The following TANC1 variants were observed in gnomAD, a reference collection of about 807,000 sequenced individuals.
TANC1 encodes the protein protein TANC1.
TANC1 carries 77 observed loss-of-function variants against 149.7 expected under a neutral mutation model. The ratio of observed to expected loss-of-function variants is 0.51; its 90% confidence interval spans 0.43 to 0.62. The LOEUF (loss-of-function observed/expected upper bound fraction) is 0.62, where lower values mean the gene tolerates loss of function less well. Ranked by LOEUF, TANC1 falls within the 20% of genes least tolerant of loss-of-function variation. TANC1 has a pLI of 0.00. For missense variants in TANC1, 1,985 were observed against 2,321.8 expected (o/e 0.85, Z 2.98); for synonymous variants, 854 against 925.0 (o/e 0.92, Z 1.39).
At chr2:159,151,809 TTTTTG>T (rs2052838742) in intron 7 of TANC1, among the ~76,000 whole-genome samples, 1 of 152,198 alleles carries the variant, frequency 6.6e-6, no homozygotes, top group Non-Finnish European at 1.5e-5. Flanking sequence ...CTTTAATGGA[TTTTTG>T]TTTTATTTTA....
chr2:159,031,238 A>G (rs549346974), intron 2 of TANC1, among the ~76,000 whole-genome samples: 95 of 152,302 alleles, frequency 6.2e-4, no homozygotes, highest in African/African-American at 2.2e-3. Context: ...TTAAATCTCT[A>G]TCTTAGAAAT....
chr2:159,141,620 G>A (rs2051378904), intron 5 of TANC1, among the ~76,000 whole-genome samples: 1 of 152,222 alleles, frequency 6.6e-6, no homozygotes, highest in Non-Finnish European at 1.5e-5. Context: ...CTTCGCAAGT[G>A]TCCAGCCACC....
chr2:159,158,370 A>G (rs1472983662), intron 7 of TANC1, among the ~76,000 whole-genome samples: 1 of 152,146 alleles, frequency 6.6e-6, no homozygotes, highest in Non-Finnish European at 1.5e-5. Context: ...GAAACAAAAA[A>G]AAACCATGTA....
rs143702986 is a variant in TANC1 at position 159,175,360 on chromosome 2, G to A, written c.1735+176G>A. Among the ~76,000 whole-genome samples, 7 of 152,168 alleles carry A rather than the reference G, an allele frequency of 4.6e-5. No homozygotes were observed. The East Asian group carries it at 7.7e-4, about 17-fold the overall frequency. The stretch of plus-strand genomic sequence containing the variant: ...TTCTCAGAACCAGCCCCATGAGGTC[G>A]CTCCTACACCACCCCTATGGTATAG... On this transcript the variant is annotated intron_variant, in intron 12 of 26. Transcript: ENST00000263635.
At chr2:159,043,014 A>G (rs2040773944) in intron 2 of TANC1, among the ~76,000 whole-genome samples, 1 of 152,222 alleles carries the variant, frequency 6.6e-6, no homozygotes, top group Non-Finnish European at 1.5e-5. Context: ...GGATGCATCT[A>G]GTACCTTGCT....
At chr2:159,126,214 G>A (rs961541745) in intron 4 of TANC1, among the ~76,000 whole-genome samples, 1 of 152,148 alleles carries the variant, frequency 6.6e-6, no homozygotes, top group Non-Finnish European at 1.5e-5. Context: ...ATCTTGGAAT[G>A]ATATCTTTAG....
rs549792974 is a variant in TANC1 at position 159,070,682 on chromosome 2, G to A, written c.61+4711G>A. ...TGGCCGAACCTGGTTCACGTGCCTC[G>A]GATCTAGCTGCATGAGAGAGCCCGG... On this transcript the variant is annotated intron_variant, in intron 3 of 26. Transcript: ENST00000263635. Among the ~76,000 whole-genome samples, 25 of 152,284 alleles carry A rather than the reference G, an allele frequency of 1.6e-4. No homozygotes were observed. In the East Asian group the frequency reaches 4.6e-3, roughly 28 times the overall value.
intron 3 of TANC1, among the ~76,000 whole-genome samples, chr2:159,069,745 T>C (rs886557967): frequency 1.8e-4 from 26 of 144,260 alleles, no homozygotes; most frequent in Admixed American, 1.7e-3. Context: ...TTTATCAACC[T>C]AAGAAGAAAT....
At chr2:158,998,515 C>T (rs544239746) in intron 1 of TANC1, among the ~76,000 whole-genome samples, 6 of 152,276 alleles carry the variant, frequency 3.9e-5, no homozygotes, top group South Asian at 4.1e-4. Flanking sequence ...GCACAGTTGA[C>T]GCTATGTGAT....
intron 2 of TANC1, among the ~76,000 whole-genome samples, chr2:159,033,300 C>T (rs181962324): frequency 6.6e-6 from 1 of 152,280 alleles, no homozygotes; most frequent in Non-Finnish European, 1.5e-5. Context: ...ATTTGTGAAT[C>T]ACCAGTTAGG....
At chr2:159,124,595 CTG>C (rs2049199807) in intron 4 of TANC1, among the ~76,000 whole-genome samples, 1 of 152,152 alleles carries the variant, frequency 6.6e-6, no homozygotes, top group Non-Finnish European at 1.5e-5. Flanking sequence ...GGCCTACTTC[CTG>C]AGTTCCTTAG....
At chr2:159,066,415 TAAAAA>T (rs752419241) in intron 3 of TANC1, among the ~76,000 whole-genome samples, 1 of 151,892 alleles carries the variant, frequency 6.6e-6, no homozygotes, top group Non-Finnish European at 1.5e-5. Flanking sequence ...CCCTGTCTCT[TAAAAA>T]AGAAAAAGGA....
intron 2 of TANC1, among the ~76,000 whole-genome samples, chr2:159,006,210 C>A (rs887810715): frequency 6.7e-6 from 1 of 149,354 alleles, no homozygotes; most frequent in African/African-American, 2.5e-5. Flanking sequence ...GGCAGAAGAT[C>A]GCTTGAAACT....
In TANC1 at chr2:159,170,683, C is replaced by T. The variant is rs775526417; in HGVS notation, c.1229C>T (p.Ala410Val). Residue 410 changes from alanine to valine, a missense_variant, in exon 10 of 27, where the codon GCG becomes GTG. Physicochemically the swap from Ala to Val is moderately conservative, Grantham distance 64 (BLOSUM62 0). Around this residue, in one of 3 missense-constraint regions of TANC1, gnomAD observed 557 missense variants for 612.9 expected, o/e 0.91. Transcript: ENST00000263635. Reference sequence around the variant, plus strand: ...ACAGAACTGGCAGAAAACAGAGGCGCGGTGGTGGTTGGCAATGTGGGATTT... The same window carrying T: ...ACAGAACTGGCAGAAAACAGAGGCGTGGTGGTGGTTGGCAATGTGGGATTT... The part of the protein sequence containing the change: ...RNTELAENRG[A>V]VVVGNVGFGK... 9 of 1,613,912 alleles carry T rather than the reference C, an allele frequency of 5.6e-6. No homozygotes were observed. In the Admixed American group the frequency reaches 6.7e-5, roughly 12 times the overall value.
At chr2:159,017,243 G>A (rs936269697) in intron 2 of TANC1, among the ~76,000 whole-genome samples, 1 of 152,190 alleles carries the variant, frequency 6.6e-6, no homozygotes, top group Non-Finnish European at 1.5e-5. Flanking sequence ...TTAGGCAACG[G>A]TGGAAATCAA....
At chr2:158,985,649 T>TC (rs1553511227) in intron 1 of TANC1, among the ~76,000 whole-genome samples, 2 of 152,014 alleles carry the variant, frequency 1.3e-5, no homozygotes, top group Non-Finnish European at 2.9e-5. Flanking sequence ...ACCTTTTTTT[T>TC]CCCTTTTCTT....
rs538201161 is a variant in TANC1, at chr2:158,988,450, A to G, written c.-125-12630A>G. On this transcript the variant is annotated intron_variant, in intron 1 of 26. Coordinates refer to ENST00000263635, the MANE Select transcript of TANC1 (RefSeq NM_033394.3). ...TCTCCCGGGAGCAAGATTTGGGTTCATTAACTGCTTGCTGCTGATTAGTTC... is the reference window on the plus strand; with the variant it reads ...TCTCCCGGGAGCAAGATTTGGGTTCGTTAACTGCTTGCTGCTGATTAGTTC... Among the ~76,000 whole-genome samples the G allele has an allele frequency of 1.9e-4, 29 of 152,022 alleles. 1 individual carries two copies. Among genetic ancestry groups the G allele is most frequent in the African/African-American group, 6.8e-4 (28 of 41,450 alleles).
chr2:159,204,155 CT>C (rs2058448252), intron 19 of TANC1, among the ~76,000 whole-genome samples: 1 of 152,196 alleles, frequency 6.6e-6, no homozygotes, highest in Non-Finnish European at 1.5e-5. Context: ...TAGCCTGGTC[CT>C]TGTCATATAG....
chr2:159,012,071 C>G (rs574466270), intron 2 of TANC1, among the ~76,000 whole-genome samples: 21 of 152,184 alleles, frequency 1.4e-4, no homozygotes, highest in Non-Finnish European at 2.6e-4. Context: ...TAGAGGGGTG[C>G]TGTCCTCATA....
Sources: gnomAD v4.1 joint callset for allele counts (sites outside exome capture counted in the v4.1 genomes callset) on GRCh38, gnomAD v4.1.1 for gene constraint, gnomAD v4.1.1 regional missense constraint, MANE v1.5 for transcripts, NCBI Gene and HGNC (gene_info 2026-07-23, HGNC 2026-07-21) for gene names.